MCM2: variants seen among roughly 807,000 people sequenced by gnomAD.
MCM2 encodes minichromosome maintenance complex component 2.
MCM2 carries 49 observed loss-of-function variants against 86.4 expected under a neutral mutation model. The ratio of observed to expected loss-of-function variants is 0.57; its 90% CI spans 0.45 to 0.72. MCM2 has a LOEUF of 0.72. Among genes scored for constraint, MCM2 ranks in the 30% least tolerant of loss-of-function variants. MCM2 has a pLI of 0.00. For missense variants in MCM2, 1,038 were observed against 1,259.9 expected (o/e 0.82, Z 2.67); for synonymous variants, 475 against 484.6 (o/e 0.98, Z 0.26).
At chr3:127,620,143 C>T (rs1286266055) in intron 13 of MCM2, among the ~76,000 whole-genome samples, 2 of 152,118 alleles carry the variant, frequency 1.3e-5, no homozygotes, top group Non-Finnish European at 2.9e-5. Context: ...GTAAATTTCA[C>T]TCTAATGAAC....
Position 127,617,030 on chromosome 3 carries a change from G to T in MCM2, c.1685G>T (p.Arg562Leu), listed in dbSNP as rs199793381. ...SAVGLTAYVQ[R>L]HPVSREWTLE... ...GTGGGCCTCACGGCGTATGTCCAGC[G>T]GCACCCTGTCAGCAGGGAGTGGACC... The change falls in exon 10 of 16, where the codon CGG (arginine) becomes CTG (leucine). Residue 562 changes from arginine to leucine, a missense_variant. This residue lies in a region of MCM2 where 399 missense variants were observed against 507.2 expected (regional missense o/e 0.79). Coordinates refer to ENST00000265056, the MANE Select transcript of MCM2 (RefSeq NM_004526.4). The surrounding 1 kb of genome is among the most constrained non-coding windows in gnomAD (Gnocchi z 4.1). The T allele has an allele frequency of 1.2e-6, 2 of 1,614,068 alleles. No homozygotes were observed. The highest frequency in any genetic ancestry group is 2.7e-5 in the African/African-American group (2 of 74,934).
Position 127,606,395 on chromosome 3 carries a change from G to A in MCM2, c.893+58G>A, listed in dbSNP as rs114058624. ...GAGCTCAGTGCTGGGTGACTCGGTC[G>A]TGATTCCTGAAGAGCGATTGTGGTG... On this transcript the variant is annotated intron_variant, in intron 5 of 15. Coordinates refer to ENST00000265056, the MANE Select transcript of MCM2 (RefSeq NM_004526.4). This position sits in a 1 kb window ranked among gnomAD's most constrained non-coding sequence, Gnocchi z 4.2. 111 of 1,545,428 alleles carry A rather than the reference G, an allele frequency of 7.2e-5. No individual in the cohort carries two copies. The highest frequency in any genetic ancestry group is 3.4e-4 in the Admixed American group (20 of 58,108).
chr3:127,612,933 A>C (rs1462324135), intron 8 of MCM2, among the ~76,000 whole-genome samples: 1 of 152,186 alleles, frequency 6.6e-6, no homozygotes, highest in Non-Finnish European at 1.5e-5. Flanking sequence ...TGAGGATTAC[A>C]TGAGGTAATT....
chr3:127,615,385 C>A (rs779070701), intron 8 of MCM2, among the ~76,000 whole-genome samples: 2 of 152,234 alleles, frequency 1.3e-5, no homozygotes, highest in Non-Finnish European at 2.9e-5. Context: ...GTTGGAATTA[C>A]TTCCTGGTGG....
intron 15 of MCM2, 34 bp downstream of exon 15, chr3:127,621,262 A>G (rs2074476923): frequency 6.2e-7 from 1 of 1,610,556 alleles, no homozygotes. Flanking sequence ...GGGTTGGGGT[A>G]TGCTGACTTG....
At chr3:127,619,400 T>TA (rs569043616) in intron 13 of MCM2, 122 bp downstream of exon 13, 43,799 of 979,450 alleles carry the variant, frequency 0.045, no homozygotes, top group South Asian at 0.062. Flanking sequence ...AGGGAGGCAT[T>TA]AAAAAAAAAA....
chr3:127,601,293 G>A (rs2074304954), intron 2 of MCM2, among the ~76,000 whole-genome samples: 2 of 152,312 alleles, frequency 1.3e-5, no homozygotes, highest in South Asian at 4.1e-4. Flanking sequence ...GATGGATGTT[G>A]GCTTCCTCAA....
At position 127,605,215 on chromosome 3, in the gene MCM2, G is replaced by A. The variant is rs1444061554; in HGVS notation, c.673+59G>A. 1.1e-5 allele frequency: 17 copies of A among 1,581,106 alleles called. No homozygotes were observed. The Admixed American group carries it at 2.6e-4, about 24-fold the overall frequency. On this transcript the variant is annotated intron_variant, in intron 4 of 15. Transcript: ENST00000265056. ...GTAGCGCCTCCCTAAATCCTCCCCA[G>A]AAAGTTGTCTGAGCCGAGTGAACAC... is the stretch of plus-strand genomic sequence containing the variant.
chr3:127,608,763 G>A (rs978593011), intron 7 of MCM2, 69 bp from the exon 8 acceptor site: 3 of 1,507,196 alleles, frequency 2.0e-6, no homozygotes, highest in Admixed American at 1.7e-5. Context: ...GGAGAAACTG[G>A]AGGAAGGCAG....
At chr3:127,600,684 T>C (rs907378285) in intron 2 of MCM2, among the ~76,000 whole-genome samples, 1 of 152,152 alleles carries the variant, frequency 6.6e-6, no homozygotes, top group African/African-American at 2.4e-5. Flanking sequence ...GCATGGGTCC[T>C]AGACGGCTTT....
At chr3:127,611,994 C>T (rs1304053789) in intron 8 of MCM2, among the ~76,000 whole-genome samples, 5 of 144,524 alleles carry the variant, frequency 3.5e-5, no homozygotes, top group South Asian at 2.3e-4. Context: ...CCACCGCGCC[C>T]GGCCAACAGC....
intron 8 of MCM2, among the ~76,000 whole-genome samples, chr3:127,612,008 CTT>C (rs2074402375): frequency 6.6e-6 from 1 of 152,174 alleles, no homozygotes; most frequent in Non-Finnish European, 1.5e-5. Flanking sequence ...CAACAGCTGA[CTT>C]TTTGTATTTG....
At chr3:127,621,291 A>G in intron 15 of MCM2, 63 bp downstream of exon 15, 2 of 1,587,280 alleles carry the variant, frequency 1.3e-6, no homozygotes, top group Non-Finnish European at 1.7e-6. Flanking sequence ...CAGTCTCCTG[A>G]TGGGGGCTCC....
At chr3:127,619,746 G>C (rs2074462175) in intron 13 of MCM2, among the ~76,000 whole-genome samples, 1 of 152,192 alleles carries the variant, frequency 6.6e-6, no homozygotes, top group Admixed American at 6.5e-5. Context: ...ACTTTGGGAG[G>C]CCAAGGCAGG....
intron 1 of MCM2, 61 bp downstream of exon 1, chr3:127,598,533 T>G: frequency 6.3e-7 from 1 of 1,591,334 alleles, no homozygotes; most frequent in East Asian, 2.3e-5. Flanking sequence ...GCTGCGCGCT[T>G]CCCGTACTCT....
intron 2 of MCM2, among the ~76,000 whole-genome samples, chr3:127,600,359 A>G (rs937257084): frequency 9.2e-5 from 14 of 152,232 alleles, no homozygotes; most frequent in African/African-American, 3.4e-4. Context: ...GCAAGGCTAG[A>G]TTTCTACCCC....
In MCM2 at chr3:127,608,818, C is replaced by T. The variant is rs1559863498; in HGVS notation, c.1237-14C>T. ...GGGTTAGGCTCTGACTTCTTGGCCC[C>T]TCCCTTTCCCCAGGAGCTGACTGGC... On this transcript the variant is annotated splice_polypyrimidine_tract_variant and intron_variant, in intron 7 of 15. Transcript: ENST00000265056. The T allele has an allele frequency of 6.2e-7, 1 of 1,613,356 alleles. No individual in the cohort carries two copies.
rs1308958893 is a variant in MCM2 at position 127,619,113 on chromosome 3, C to T, written c.2100C>T (p.Ser700=). The change falls in exon 13 of 16, where the codon AGC becomes AGT. Residue 700 remains serine, a synonymous_variant. Coordinates refer to ENST00000265056, the MANE Select transcript of MCM2 (RefSeq NM_004526.4). The part of the protein sequence containing the change: ...NKEEEGLANG[S]AAEPAMPNTY... Reference sequence around the variant, plus strand: ...AGGAGGAGGGGCTGGCCAATGGCAGCGCTGCTGAGCCCGCCATGCCCAACA... The same window carrying T: ...AGGAGGAGGGGCTGGCCAATGGCAGTGCTGCTGAGCCCGCCATGCCCAACA... 17 of 1,613,126 alleles carry T rather than the reference C, an allele frequency of 1.1e-5. No individual in the cohort carries two copies. The highest frequency in any genetic ancestry group is 1.2e-5 in the Non-Finnish European group (14 of 1,179,722).
At position 127,602,405 on chromosome 3, in the gene MCM2, T is replaced by A. The variant is rs774978634; in HGVS notation, c.237-2203T>A. On this transcript the variant is annotated intron_variant, in intron 2 of 15. Coordinates refer to ENST00000265056, the MANE Select transcript of MCM2 (RefSeq NM_004526.4). The stretch of plus-strand genomic sequence containing the variant: ...AGAAAAATAGTAGCAGTTTCTCTTG[T>A]CACCATTTAACCTGAAAAAAGGAGA... Among the ~76,000 whole-genome samples, 24 of 152,282 alleles carry A rather than the reference T, an allele frequency of 1.6e-4. 1 individual carries two copies. The highest frequency in any genetic ancestry group is 3.4e-3 in the Middle Eastern group (1 of 294).
Sources: allele counts gnomAD v4.1 joint callset (sites outside exome capture counted in the v4.1 genomes callset), GRCh38; gene constraint gnomAD v4.1.1; regional missense constraint gnomAD v4.1.1; non-coding constraint Gnocchi (gnomAD v3.1); transcripts MANE v1.5; gene names NCBI Gene and HGNC (gene_info 2026-07-23, HGNC 2026-07-21).